JAKMIP3: variants seen among roughly 807,000 people sequenced by gnomAD.
JAKMIP3 encodes janus kinase and microtubule-interacting protein 3.
A neutral mutation model predicts 118.5 loss-of-function variants in JAKMIP3; 58 were observed. That is an observed-to-expected ratio of 0.49 (90% CI 0.40 to 0.61). The LOEUF (loss-of-function observed/expected upper bound fraction) is 0.61. JAKMIP3 is among the 20% of genes least tolerant of loss of function. JAKMIP3 has a pLI of 0.00. For synonymous variants in JAKMIP3, 486 were observed against 451.2 expected, an observed-to-expected ratio of 1.08 and a Z score of -0.98; for missense variants, 950 against 1,109.0, an observed-to-expected ratio of 0.86 and a Z score of 2.04.
At chr10:132,069,084 A>G (rs2133945784) in intron 1 of JAKMIP3, among the ~76,000 whole-genome samples, 1 of 152,170 alleles carries the variant, frequency 6.6e-6, no homozygotes, top group East Asian at 1.9e-4. Flanking sequence ...GGTAAGGAGG[A>G]ATCCTACCCA....
intron 1 of JAKMIP3, among the ~76,000 whole-genome samples, chr10:132,040,024 A>G (rs1244967750): frequency 1.3e-5 from 2 of 152,250 alleles, no homozygotes; most frequent in Non-Finnish European, 2.9e-5. Context: ...ACACGTGCCC[A>G]GGTGACTGCT....
At chr10:132,038,790 C>CAAAA (rs58917363) in intron 1 of JAKMIP3, among the ~76,000 whole-genome samples, 1 of 124,758 alleles carries the variant, frequency 8.0e-6, no homozygotes, top group Non-Finnish European at 1.7e-5. Context: ...GAGACTGTCT[C>CAAAA]AAAAAAAAAA....
chr10:132,179,930 G>C lies in JAKMIP3; in HGVS notation c.*1104-2427G>C, dbSNP rs1166041513. On this transcript the variant is annotated intron_variant, in intron 23 of 23. Transcript: ENST00000684848. This position sits in a 1 kb window ranked among gnomAD's most constrained non-coding sequence, Gnocchi z 4.3. ...GCTCTTCCCCCTGTGAGGTGCACAC[G>C]GGGCACACACTCCCTCCAGCAGCAA... is the stretch of plus-strand genomic sequence containing the variant. Among the ~76,000 whole-genome samples, 1 of 152,128 alleles carries C rather than the reference G, an allele frequency of 6.6e-6. No individual in the cohort carries two copies. The highest frequency in any genetic ancestry group is 2.4e-5 in the African/African-American group (1 of 41,418).
intron 2 of JAKMIP3, among the ~76,000 whole-genome samples, chr10:132,110,248 ACTGGTGGCCTAGG>A (rs2046653785): frequency 6.6e-6 from 1 of 152,188 alleles, no homozygotes; most frequent in Admixed American, 6.5e-5. Flanking sequence ...CCCACAGCCC[ACTGGTGGCCTAGG>A]CGGCATCTGG....
intron 5 of JAKMIP3, 85 bp downstream of exon 5, chr10:132,135,245 T>C: frequency 7.2e-7 from 1 of 1,384,362 alleles, no homozygotes; most frequent in Non-Finnish European, 9.8e-7. Flanking sequence ...TCAAAATTCC[T>C]TGCGTAAAGG....
intron 1 of JAKMIP3, among the ~76,000 whole-genome samples, chr10:132,079,267 A>G (rs777547266): frequency 1.2e-4 from 18 of 150,620 alleles, no homozygotes; most frequent in Admixed American, 8.6e-4. Context: ...AGTTCCCCAT[A>G]TTAGATGGGT....
rs1475401219 is a variant in JAKMIP3 at position 132,179,084 on chromosome 10, T to A, written c.*1104-3273T>A. Among the ~76,000 whole-genome samples the A allele has an allele frequency of 2.0e-5, 3 of 152,228 alleles. No individual in the cohort carries two copies. The highest frequency in any genetic ancestry group is 7.2e-5 in the African/African-American group (3 of 41,464). On this transcript the variant is annotated intron_variant, in intron 23 of 23. Coordinates refer to ENST00000684848, the MANE Select transcript of JAKMIP3 (RefSeq NM_001323087.2). The surrounding 1 kb of genome is among the most constrained non-coding windows in gnomAD (Gnocchi z 4.3). ...TCAGCCCTGGGTGGTGCCCCAGGCA[T>A]GCTGCCATCTCCTGTCCCTGCTGCC...
chr10:132,114,028 C>T (rs902278437), intron 2 of JAKMIP3, among the ~76,000 whole-genome samples: 2 of 152,250 alleles, frequency 1.3e-5, no homozygotes, highest in African/African-American at 4.8e-5. Flanking sequence ...AAGCCCAACC[C>T]TCTGTGTCCC....
At chr10:132,165,239 G>T (rs1014178864) in intron 21 of JAKMIP3, among the ~76,000 whole-genome samples, 2 of 152,240 alleles carry the variant, frequency 1.3e-5, no homozygotes, top group African/African-American at 4.8e-5. Flanking sequence ...TCCCAGCTCC[G>T]TGAGGTGTGG....
Position 132,144,861 on chromosome 10 carries a change from G to A in JAKMIP3, c.1603-246G>A, listed in dbSNP as rs112332948. On this transcript the variant is annotated intron_variant, in intron 11 of 23. Coordinates refer to ENST00000684848, the MANE Select transcript of JAKMIP3 (RefSeq NM_001323087.2). ...GGAGGATCACTTGAGCTCGGGAGGC[G>A]GAGGTTACAGTGAGCCAAGATTGTG... Among the ~76,000 whole-genome samples the A allele has an allele frequency of 6.3e-3, 955 of 152,196 alleles. 10 individuals carry two copies. The highest frequency in any genetic ancestry group is 0.021 in the African/African-American group (890 of 41,530).
intron 1 of JAKMIP3, among the ~76,000 whole-genome samples, chr10:132,039,921 G>A (rs141201559): frequency 1.8e-4 from 27 of 152,344 alleles, no homozygotes; most frequent in African/African-American, 6.3e-4. Flanking sequence ...CTAAGCACTT[G>A]GGTTCCTTCA....
chr10:132,058,002 G>C (rs1014799674), intron 1 of JAKMIP3, among the ~76,000 whole-genome samples: 3 of 152,228 alleles, frequency 2.0e-5, no homozygotes, highest in African/African-American at 7.2e-5. Flanking sequence ...GACGGGGCCA[G>C]ATCCTCGGCC....
intron 23 of JAKMIP3, among the ~76,000 whole-genome samples, chr10:132,178,078 A>G (rs1241386022): frequency 6.6e-6 from 1 of 152,228 alleles, no homozygotes; most frequent in Non-Finnish European, 1.5e-5. Flanking sequence ...TCACTGTCCC[A>G]CCTGCCACCT....
At chr10:132,160,196 C>T (rs868676428) in intron 19 of JAKMIP3, among the ~76,000 whole-genome samples, 99 of 18,778 alleles carry the variant, frequency 5.3e-3, no homozygotes, top group Non-Finnish European at 8.5e-3. Context: ...GTGGGCCTCT[C>T]CCTGTGTGAT....
intron 3 of JAKMIP3, among the ~76,000 whole-genome samples, chr10:132,130,147 C>G (rs2050295572): frequency 6.6e-6 from 1 of 152,164 alleles, no homozygotes; most frequent in Admixed American, 6.5e-5. Context: ...CTGAGGGAGG[C>G]TTGGCGGCCT....
chr10:132,169,341 G>A (rs76099290), intron 23 of JAKMIP3, among the ~76,000 whole-genome samples: 4,082 of 152,254 alleles, frequency 0.027, 199 homozygotes, highest in African/African-American at 0.094. Context: ...GAGAAACCCC[G>A]TAGGTGCAAT....
intron 17 of JAKMIP3, among the ~76,000 whole-genome samples, chr10:132,153,305 T>TGTTCA (rs2056552739): frequency 6.6e-6 from 1 of 152,218 alleles, no homozygotes; most frequent in Non-Finnish European, 1.5e-5. Flanking sequence ...GGCAGCGTTC[T>TGTTCA]CTGTTCAACT....
At chr10:132,097,177 C>G (rs984473143) in intron 1 of JAKMIP3, among the ~76,000 whole-genome samples, 1 of 152,216 alleles carries the variant, frequency 6.6e-6, no homozygotes, top group Non-Finnish European at 1.5e-5. Flanking sequence ...TGGTGGGAGG[C>G]AAGGCCCCTC....
chr10:132,070,040 G>A (rs776633227), intron 1 of JAKMIP3, among the ~76,000 whole-genome samples: 6 of 152,204 alleles, frequency 3.9e-5, no homozygotes, highest in Non-Finnish European at 7.3e-5. Flanking sequence ...TGAGAGGTGC[G>A]GCTGCTGATG....
Sources: gnomAD v4.1 joint callset for allele counts (sites outside exome capture counted in the v4.1 genomes callset) on GRCh38, gnomAD v4.1.1 for gene constraint, Gnocchi (gnomAD v3.1) non-coding constraint, MANE v1.5 for transcripts, NCBI Gene and HGNC (gene_info 2026-07-23, HGNC 2026-07-21) for gene names.